The following AFG1L variants were observed in gnomAD, a reference collection of about 807,000 sequenced individuals.
AFG1L encodes AFG1-like ATPase.
In AFG1L, 53 loss-of-function variants were observed where a neutral mutation model predicts 62.2. The observed-to-expected ratio is 0.85, with a 90% confidence interval of 0.68 to 1.07. The LOEUF (loss-of-function observed/expected upper bound fraction) is 1.07. Among genes scored for constraint, AFG1L ranks in the 50% least tolerant of loss-of-function variants. The pLI, the probability that AFG1L is intolerant of heterozygous loss-of-function variation, is 0.00. For missense variants in AFG1L, 555 were observed against 590.5 expected, an observed-to-expected ratio of 0.94 and a Z score of 0.62; for synonymous variants, 228 against 210.3, an observed-to-expected ratio of 1.08 and a Z score of -0.73.
intron 8 of AFG1L, among the ~76,000 whole-genome samples, chr6:108,454,217 G>A (rs1353613189): frequency 6.6e-6 from 1 of 152,130 alleles, no homozygotes; most frequent in Admixed American, 6.5e-5. Flanking sequence ...TTTGCATGGT[G>A]TCACAATGGA....
intron 6 of AFG1L, among the ~76,000 whole-genome samples, chr6:108,373,134 C>T (rs1408182805): frequency 6.6e-6 from 1 of 152,068 alleles, no homozygotes; most frequent in African/African-American, 2.4e-5. Flanking sequence ...ATGATCCCAT[C>T]ACCTAGGTAC....
chr6:108,382,206 G>A (rs966754522), intron 6 of AFG1L, among the ~76,000 whole-genome samples: 5 of 151,972 alleles, frequency 3.3e-5, no homozygotes, highest in African/African-American at 1.2e-4. Context: ...CTCCATGTTG[G>A]TCAAGCTGGT....
At chr6:108,417,480 G>A (rs1383451650) in intron 7 of AFG1L, among the ~76,000 whole-genome samples, 5 of 151,970 alleles carry the variant, frequency 3.3e-5, no homozygotes, top group African/African-American at 9.7e-5. Context: ...AGACATAGAA[G>A]TATGAGAACT....
At chr6:108,300,821 C>T (rs758159349) in intron 1 of AFG1L, among the ~76,000 whole-genome samples, 16 of 151,918 alleles carry the variant, frequency 1.1e-4, no homozygotes, top group Non-Finnish European at 2.2e-4. Flanking sequence ...TACAGGCGCA[C>T]GCCATCACGC....
chr6:108,339,964 G>C (rs1215572621), intron 2 of AFG1L, among the ~76,000 whole-genome samples: 1 of 151,936 alleles, frequency 6.6e-6, no homozygotes, highest in Non-Finnish European at 1.5e-5. Flanking sequence ...TAGTCATTCT[G>C]TTGTGCTATC....
At chr6:108,439,408 C>T (rs1888851) in intron 7 of AFG1L, among the ~76,000 whole-genome samples, 6,240 of 152,232 alleles carry the variant, frequency 0.041, 211 homozygotes, top group South Asian at 0.1. Flanking sequence ...TGATATAAAA[C>T]AGTGTGGCAT....
At chr6:108,299,304 C>T (rs117686005) in intron 1 of AFG1L, among the ~76,000 whole-genome samples, 4,860 of 151,134 alleles carry the variant, frequency 0.032, 121 homozygotes, top group Non-Finnish European at 0.05. Flanking sequence ...CTTGGACATA[C>T]TTGGAAGAGA....
intron 7 of AFG1L, among the ~76,000 whole-genome samples, chr6:108,440,990 C>A (rs192727389): frequency 6.6e-6 from 1 of 151,988 alleles, no homozygotes; most frequent in Admixed American, 6.5e-5. Context: ...GATAGAAGTT[C>A]GATTTATGTA....
intron 10 of AFG1L, among the ~76,000 whole-genome samples, chr6:108,486,561 G>C (rs1773583304): frequency 6.6e-6 from 1 of 152,106 alleles, no homozygotes; most frequent in Non-Finnish European, 1.5e-5. Context: ...AAGGAGCAAA[G>C]GAGCCATAAT....
chr6:108,511,272 C>G (rs1167947162), intron 11 of AFG1L, among the ~76,000 whole-genome samples: 1 of 151,998 alleles, frequency 6.6e-6, no homozygotes, highest in Non-Finnish European at 1.5e-5. Flanking sequence ...TCTCTCTCTC[C>G]CTATGACCCA....
intron 7 of AFG1L, among the ~76,000 whole-genome samples, chr6:108,402,798 T>G (rs1207366965): frequency 6.6e-6 from 1 of 152,156 alleles, no homozygotes; most frequent in Non-Finnish European, 1.5e-5. Context: ...TTCCCAGCTA[T>G]TAAAGTTGCT....
intron 8 of AFG1L, among the ~76,000 whole-genome samples, chr6:108,466,629 C>T (rs955999421): frequency 4.6e-5 from 7 of 151,646 alleles, no homozygotes; most frequent in Admixed American, 2.6e-4. Context: ...TGAAGGCGGC[C>T]GTCTGCAAGC....
intron 8 of AFG1L, among the ~76,000 whole-genome samples, chr6:108,475,457 C>T (rs1367514561): frequency 1.3e-5 from 2 of 152,020 alleles, no homozygotes; most frequent in Non-Finnish European, 2.9e-5. Flanking sequence ...AATGAATTCT[C>T]AAGAATAATG....
chr6:108,366,316 C>G lies in AFG1L; in HGVS notation c.732C>G (p.Ser244=). Residue 244 remains serine, a synonymous_variant, in exon 6 of 13, where the codon TCC becomes TCG. Coordinates refer to ENST00000368977, the MANE Select transcript of AFG1L (RefSeq NM_145315.5). ...FKNGVVVVAT[S]NRPPEDLYKN... is the part of the protein sequence containing the mutation. ...ACGGGGTCGTCGTTGTGGCAACATC[C>G]AACAGGCCACCGGAAGGTAAAAACA... 6.2e-7 allele frequency: 1 copy of G among 1,610,718 alleles called. No individual in the cohort carries two copies. The highest frequency in any genetic ancestry group is 8.5e-7 in the Non-Finnish European group (1 of 1,177,570).
intron 7 of AFG1L, among the ~76,000 whole-genome samples, chr6:108,443,863 A>C (rs1166798748): frequency 6.6e-6 from 1 of 152,150 alleles, no homozygotes. Flanking sequence ...CAACAGAGTA[A>C]GACTCTGTCG....
chr6:108,449,749 C>T (rs549491446), intron 8 of AFG1L, among the ~76,000 whole-genome samples: 6 of 152,210 alleles, frequency 3.9e-5, no homozygotes, highest in Admixed American at 2.0e-4. Context: ...TATCCCTTCC[C>T]CCTCTCCCCA....
At position 108,384,543 on chromosome 6, in the gene AFG1L, G is replaced by A. The variant is rs960116731; in HGVS notation, c.749-17453G>A. 5.9e-5 allele frequency among the ~76,000 whole-genome samples: 9 copies of A among 152,254 alleles called. No homozygotes were observed. The South Asian group carries it at 6.2e-4, about 11-fold the overall frequency. On this transcript the variant is annotated intron_variant, in intron 6 of 12. Transcript: ENST00000368977. ...ATGAAATTCACAGTATAACATTCAC[G>A]AGGTCCAGGATACAATCCAAAATTG... is the stretch of plus-strand genomic sequence containing the variant.
chr6:108,476,764 TC>T (rs1257948544), intron 8 of AFG1L, 100 bp from the exon 9 acceptor site: 69 of 774,780 alleles, frequency 8.9e-5, no homozygotes, highest in Non-Finnish European at 1.8e-5. Flanking sequence ...AACATCCTGT[TC>T]TTTTTTTTTA....
intron 7 of AFG1L, among the ~76,000 whole-genome samples, chr6:108,426,257 ATTAT>A (rs1163427145): frequency 1.3e-5 from 2 of 151,948 alleles, no homozygotes; most frequent in Non-Finnish European, 2.9e-5. Context: ...CTTACCTATG[ATTAT>A]TTATACAGAA....
Sources: gnomAD v4.1 joint callset for allele counts (sites outside exome capture counted in the v4.1 genomes callset) on GRCh38, gnomAD v4.1.1 for gene constraint, MANE v1.5 for transcripts, NCBI Gene and HGNC (gene_info 2026-07-23, HGNC 2026-07-21) for gene names.